Variants in VAC14 observed in about 807,000 individuals in gnomAD.
VAC14 encodes the protein protein VAC14 homolog.
A neutral mutation model predicts 85.3 loss-of-function variants in VAC14; 47 were observed. The ratio of observed to expected loss-of-function variants is 0.55; its 90% CI spans 0.44 to 0.70. The LOEUF is 0.70. Ranked by LOEUF, VAC14 falls within the 30% of genes least tolerant of loss-of-function variation. The probability of loss-of-function intolerance (pLI) is 0.00; values close to 1 mark genes in which losing one functional copy is unlikely to be tolerated. For missense variants in VAC14, 861 were observed against 1,004.3 expected (o/e 0.86, Z 1.93); for synonymous variants, 447 against 430.5 (o/e 1.04, Z -0.47).
In VAC14 at chr16:70,718,715, G is replaced by A. The variant is rs753596740; in HGVS notation, c.1661+12780C>T. Among the ~76,000 whole-genome samples, 7 of 151,990 alleles carry A rather than the reference G, an allele frequency of 4.6e-5. No individual in the cohort carries two copies. The East Asian group carries it at 5.8e-4, about 13-fold the overall frequency. ...GTGTGCTGTTGCTCCCCAACTCCAC[G>A]TGGGGTTCTGTTAGGGCTGCCACTC... On this transcript the variant is annotated intron_variant, in intron 14 of 18. Coordinates refer to ENST00000261776, the MANE Select transcript of VAC14 (RefSeq NM_018052.5).
At chr16:70,792,325 T>A (rs923092127) in intron 1 of VAC14, among the ~76,000 whole-genome samples, 2 of 152,184 alleles carry the variant, frequency 1.3e-5, no homozygotes, top group Non-Finnish European at 2.9e-5. Context: ...AGGTGGGGGA[T>A]CTGAGGCTGA....
chr16:70,736,693 C>G (rs1475677898), intron 13 of VAC14, among the ~76,000 whole-genome samples: 1 of 152,188 alleles, frequency 6.6e-6, no homozygotes, highest in Non-Finnish European at 1.5e-5. Flanking sequence ...AGGGCAGTGT[C>G]ACAGCTGCGA....
At chr16:70,795,259 G>C (rs1173583265) in intron 1 of VAC14, among the ~76,000 whole-genome samples, 2 of 152,178 alleles carry the variant, frequency 1.3e-5, no homozygotes, top group Non-Finnish European at 2.9e-5. Context: ...GAGGTCAGGA[G>C]ATCGGGACCA....
chr16:70,742,641 C>T (rs143841786), intron 13 of VAC14, among the ~76,000 whole-genome samples: 51 of 152,388 alleles, frequency 3.3e-4, no homozygotes, highest in African/African-American at 1.2e-3. Flanking sequence ...CTTCACCTGG[C>T]ATGTCCTGGG....
chr16:70,787,011 C>T (rs1168465273), intron 1 of VAC14, among the ~76,000 whole-genome samples: 2 of 152,146 alleles, frequency 1.3e-5, no homozygotes, highest in Non-Finnish European at 2.9e-5. Flanking sequence ...GCCAAGGCCA[C>T]GCAAGCTGAC....
intron 14 of VAC14, among the ~76,000 whole-genome samples, chr16:70,725,780 C>T (rs2054409850): frequency 6.6e-6 from 1 of 152,192 alleles, no homozygotes; most frequent in Admixed American, 6.5e-5. Flanking sequence ...TGGGCCCCAT[C>T]CTCTCCAAAT....
chr16:70,722,906 C>A (rs1474520822), intron 14 of VAC14, among the ~76,000 whole-genome samples: 1 of 152,036 alleles, frequency 6.6e-6, no homozygotes, highest in African/African-American at 2.4e-5. Context: ...ATAGTGAGAC[C>A]CCATCTCTAC....
In VAC14 at chr16:70,689,045, GAA is replaced by G. The variant is rs1597840931; in HGVS notation, c.2187-957_2187-956del. 3.0e-6 allele frequency: 3 copies of G among 985,126 alleles called. No homozygotes were observed. In the South Asian group the frequency reaches 1.4e-4, roughly 46 times the overall value. 61.0% of individuals were successfully genotyped at this position (985,126 alleles called of 1,614,324 possible). A position where few individuals can be genotyped will look rare whatever the true frequency, so the allele number is the denominator to read the frequency against. ...GAGTCTTGGGGCCCTTCAAGTTTATGAAAAGATGCCAATCGGCGGGGCCGGGA... is the reference window on the plus strand; with the variant it reads ...GAGTCTTGGGGCCCTTCAAGTTTATGAAGATGCCAATCGGCGGGGCCGGGA... On this transcript the variant is annotated intron_variant, in intron 18 of 18. Coordinates refer to ENST00000261776, the MANE Select transcript of VAC14 (RefSeq NM_018052.5).
intron 14 of VAC14, among the ~76,000 whole-genome samples, chr16:70,726,419 C>T (rs1330036224): frequency 6.6e-6 from 1 of 152,244 alleles, no homozygotes; most frequent in East Asian, 1.9e-4. Flanking sequence ...CCTCCACAGA[C>T]CACCCTGGGA....
intron 18 of VAC14, chr16:70,690,433 G>C (rs749915128): frequency 1.7e-5 from 17 of 985,620 alleles, no homozygotes; most frequent in Non-Finnish European, 2.0e-5. Flanking sequence ...GGCAAGTCCA[G>C]GACTCAGGGC....
chr16:70,775,184 TA>T (rs1298814550), intron 9 of VAC14, among the ~76,000 whole-genome samples: 1 of 152,240 alleles, frequency 6.6e-6, no homozygotes, highest in Non-Finnish European at 1.5e-5. Context: ...TCATTATTTA[TA>T]TTGTTGTTCA....
intron 17 of VAC14, among the ~76,000 whole-genome samples, chr16:70,695,260 C>T (rs977715549): frequency 1.3e-5 from 2 of 152,156 alleles, no homozygotes; most frequent in African/African-American, 2.4e-5. Flanking sequence ...TATAGGCATG[C>T]ACTCTCATGC....
chr16:70,755,402 G>A (rs1405255772), intron 12 of VAC14, among the ~76,000 whole-genome samples: 1 of 152,246 alleles, frequency 6.6e-6, no homozygotes, highest in Non-Finnish European at 1.5e-5. Flanking sequence ...GCCTGGGCCT[G>A]GATAAGGCAG....
chr16:70,770,337 T>A (rs1271787979), intron 10 of VAC14: 1 of 152,432 alleles, frequency 6.6e-6, no homozygotes, highest in Non-Finnish European at 1.5e-5. Flanking sequence ...TCCCCTCTGA[T>A]GGGGACAACG....
intron 13 of VAC14, among the ~76,000 whole-genome samples, chr16:70,742,782 G>A (rs145864674): frequency 5.9e-5 from 9 of 152,388 alleles, no homozygotes; most frequent in East Asian, 1.9e-4. Flanking sequence ...GGACCAGCCC[G>A]GCTGGGCTGT....
chr16:70,737,342 C>T (rs547932857), intron 13 of VAC14, among the ~76,000 whole-genome samples: 1 of 152,292 alleles, frequency 6.6e-6, no homozygotes, highest in South Asian at 2.1e-4. Flanking sequence ...CACTGAGGCA[C>T]AGCCCCCTGT....
At chr16:70,728,509 A>C (rs752801963) in intron 14 of VAC14, among the ~76,000 whole-genome samples, 11 of 152,206 alleles carry the variant, frequency 7.2e-5, no homozygotes, top group Non-Finnish European at 1.5e-4. Flanking sequence ...CTGCAAAGCA[A>C]GCAAAGCCTC....
chr16:70,724,753 GGACA>G (rs1351177578), intron 14 of VAC14, among the ~76,000 whole-genome samples: 1 of 152,212 alleles, frequency 6.6e-6, no homozygotes, highest in Non-Finnish European at 1.5e-5. Context: ...ACAAGGAGCT[GGACA>G]GACAACTCAA....
chr16:70,799,327 CA>C (rs1294425501), intron 1 of VAC14, among the ~76,000 whole-genome samples: 2 of 152,024 alleles, frequency 1.3e-5, no homozygotes, highest in African/African-American at 4.8e-5. Flanking sequence ...CAGGCATAAA[CA>C]AAAAGCTATA....
Sources: allele counts gnomAD v4.1 joint callset (sites outside exome capture counted in the v4.1 genomes callset), GRCh38; gene constraint gnomAD v4.1.1; transcripts MANE v1.5; gene names NCBI Gene and HGNC (gene_info 2026-07-23, HGNC 2026-07-21).